Variants in ZNF606 observed in about 807,000 individuals in gnomAD.
ZNF606 encodes zinc finger protein 328.
In ZNF606, 37 loss-of-function variants were observed where a neutral mutation model predicts 74.9. That is an observed-to-expected ratio of 0.49 (90% CI 0.38 to 0.65). ZNF606 has a LOEUF of 0.65. Ranked by LOEUF, ZNF606 falls within the 30% of genes least tolerant of loss-of-function variation. The probability of loss-of-function intolerance (pLI) is 0.00; values close to 1 mark genes in which losing one functional copy is unlikely to be tolerated. For synonymous variants in ZNF606, 328 were observed against 312.4 expected (o/e 1.05, Z -0.53); for missense variants, 852 against 952.9 (o/e 0.89, Z 1.39).
Position 58,002,388 on chromosome 19 carries a change from G to A in ZNF606, c.-52+8C>T, listed in dbSNP as rs1420384256. 8.8e-6 allele frequency: 4 copies of A among 456,588 alleles called. No individual in the cohort carries two copies. Among genetic ancestry groups the A allele is most frequent in the Admixed American group, 4.7e-5 (2 of 42,564 alleles). The allele number at this position is 456,588 out of a possible 1,614,324, so 28.3% of individuals were successfully genotyped here. ...CCGCGACGCTGCAAAAGCTCGTCCC[G>A]GCCTCACCTGGCTCGCGGCCGGCGG... On this transcript the variant is annotated splice_region_variant and intron_variant, in intron 1 of 6. Coordinates refer to ENST00000551380, the MANE Select transcript of ZNF606 (RefSeq NM_001348022.3).
chr19:57,980,163 T>C lies in ZNF606; in HGVS notation c.517A>G (p.Arg173Gly), dbSNP rs2073061952. 6.2e-7 allele frequency: 1 copy of C among 1,614,178 alleles called. No individual in the cohort carries two copies. The highest frequency in any genetic ancestry group is 1.3e-5 in the African/African-American group (1 of 75,066). Residue 173 changes from arginine (R) to glycine (G), a missense_variant, in exon 7 of 7, where the codon AGG becomes GGG. By Grantham distance (125) the Arg-to-Gly change is moderately radical. This residue lies in a region of ZNF606 where 545 missense variants were observed against 542.5 expected (regional missense o/e 1.00). Transcript: ENST00000551380. ...TCTTTACATCCCAAAACTTCTAACCTGGAGAACCAAGGATCATCCCATATA... is the reference window on the plus strand; with the variant it reads ...TCTTTACATCCCAAAACTTCTAACCCGGAGAACCAAGGATCATCCCATATA... Reference protein sequence around the residue: ...RYIWDDPWFSRLEVLGCKDQL... With the variant: ...RYIWDDPWFSGLEVLGCKDQL...
rs541290158 is a variant in ZNF606 at position 58,002,437 on chromosome 19, G to C, written c.-93C>G. ...GGTCCCCCTTGAAGGCGGCGCAGCA[G>C]GATCGGGGTCTGCCCGCCTGGGGCG... On this transcript the variant is annotated 5_prime_UTR_variant, in exon 1 of 7. Coordinates refer to ENST00000551380, the MANE Select transcript of ZNF606 (RefSeq NM_001348022.3). 156 of 455,784 alleles carry C rather than the reference G, an allele frequency of 3.4e-4. No homozygotes were observed. In the East Asian group the frequency reaches 7.5e-3, roughly 22 times the overall value. 28.2% of individuals were successfully genotyped at this position (455,784 alleles called of 1,614,324 possible). A position where few individuals can be genotyped will look rare whatever the true frequency, so the allele number is the denominator to read the frequency against.
At position 58,002,696 on chromosome 19, in the gene ZNF606, C is replaced by T. The variant is rs1292550305; in HGVS notation, c.-352G>A. 1 of 454,122 alleles carries T rather than the reference C, an allele frequency of 2.2e-6. No individual in the cohort carries two copies. The highest frequency in any genetic ancestry group is 4.4e-6 in the Non-Finnish European group (1 of 226,062). 28.1% of individuals were successfully genotyped at this position (454,122 alleles called of 1,614,324 possible). A position where few individuals can be genotyped will look rare whatever the true frequency, so the allele number is the denominator to read the frequency against. ...GGAAAGGGCAGGCGCAGGACCCACC[C>T]TGACGCCGCCTCTCCCAGCCGGCTC... On this transcript the variant is annotated 5_prime_UTR_variant, in exon 1 of 7. Transcript: ENST00000551380.
rs1454937443 is a variant in ZNF606, at chr19:57,979,979, A to G, written c.701T>C (p.Ile234Thr). 7 of 1,613,912 alleles carry G rather than the reference A, an allele frequency of 4.3e-6. No individual in the cohort carries two copies. In the Admixed American group the frequency reaches 1.0e-4, roughly 23 times the overall value. ...NFVPSQRVSQ[I>T]EHFYKPDTHA... Reference sequence around the variant, plus strand: ...TGTATCAGGCTTATAGAAATGTTCTATCTGAGAAACTCTCTGAGATGGAAC... The same window carrying G: ...TGTATCAGGCTTATAGAAATGTTCTGTCTGAGAAACTCTCTGAGATGGAAC... Residue 234 changes from isoleucine (I) to threonine (T), a missense_variant, in exon 7 of 7, where the codon ATA (isoleucine) becomes ACA (threonine). By Grantham distance (89) the Ile-to-Thr change is moderately conservative. Coordinates refer to ENST00000551380, the MANE Select transcript of ZNF606 (RefSeq NM_001348022.3).
At chr19:58,002,825 C>G (rs1255156657), upstream of ZNF606, 1 of 448,294 alleles carries the variant, frequency 2.2e-6, no homozygotes, top group Admixed American at 2.4e-5. Flanking sequence ...TCGACCGGAG[C>G]GCGCCGCGGG....
intron 6 of ZNF606, among the ~76,000 whole-genome samples, chr19:57,980,769 A>G (rs988373670): frequency 2.7e-5 from 4 of 149,420 alleles, no homozygotes; most frequent in Non-Finnish European, 4.4e-5. Flanking sequence ...CGGGAGGCAG[A>G]GCTTGCAGTG....
rs1302963032 is a variant in ZNF606 at position 57,978,247 on chromosome 19, G to A, written c.*54C>T. 3 of 1,492,886 alleles carry A rather than the reference G, an allele frequency of 2.0e-6. No individual in the cohort carries two copies. The East Asian group carries it at 6.9e-5, about 34-fold the overall frequency. The allele number at this position is 1,492,886 out of a possible 1,614,324, so 92.5% of individuals were successfully genotyped here. On this transcript the variant is annotated 3_prime_UTR_variant, in exon 7 of 7. Coordinates refer to ENST00000551380, the MANE Select transcript of ZNF606 (RefSeq NM_001348022.3). The surrounding 1 kb of genome is among the most constrained non-coding windows in gnomAD (Gnocchi z 4.4). ...ATGTCCCCTCTTGATTATGTTTATA[G>A]GGTTTTCCTCAATGTGTTGTCAAAT...
Position 58,002,425 on chromosome 19 carries a change from G to A in ZNF606, c.-81C>T, listed in dbSNP as rs1458722290. On this transcript the variant is annotated 5_prime_UTR_variant, in exon 1 of 7. Coordinates refer to ENST00000551380, the MANE Select transcript of ZNF606 (RefSeq NM_001348022.3). ...CTCGCGGCCGGCGGTCCCCCTTGAA[G>A]GCGGCGCAGCAGGATCGGGGTCTGC... 2.2e-6 allele frequency: 1 copy of A among 456,140 alleles called. No individual in the cohort carries two copies. Among genetic ancestry groups the A allele is most frequent in the East Asian group, 7.0e-5 (1 of 14,360 alleles). The allele number at this position is 456,140 out of a possible 1,614,324, so 28.3% of individuals were successfully genotyped here.
In ZNF606 at chr19:57,988,645, G is replaced by A; in HGVS notation, c.254C>T (p.Thr85Ile). ...CTCCAGCATCACATCACGGTACAGG[G>A]TCCTCTGAACAAGGTCCAGCTGCCC... is the stretch of plus-strand genomic sequence containing the variant. ...EWGQLDLVQR[T>I]LYRDVMLETY... The change falls in exon 5 of 7, where the codon ACC (threonine) becomes ATC (isoleucine). Residue 85 changes from threonine to isoleucine, a missense_variant. Physicochemically the swap from Thr to Ile is moderately conservative, Grantham distance 89. Transcript: ENST00000551380. 6.2e-7 allele frequency: 1 copy of A among 1,614,100 alleles called. No homozygotes were observed.
In ZNF606 at chr19:58,002,584, C is replaced by G. The variant is rs1309228861; in HGVS notation, c.-240G>C. ...CAGAGTTCACCCAGGCCCGTCCGAC[C>G]AGAAAACGAAGAACGCCCGGAGGCG... On this transcript the variant is annotated 5_prime_UTR_variant, in exon 1 of 7. Transcript: ENST00000551380. The G allele has an allele frequency of 2.3e-6, 1 of 439,476 alleles. No individual in the cohort carries two copies. The highest frequency in any genetic ancestry group is 2.0e-5 in the African/African-American group (1 of 49,134). The allele number at this position is 439,476 out of a possible 1,614,324, so 27.2% of individuals were successfully genotyped here. A position where few individuals can be genotyped will look rare whatever the true frequency, so the allele number is the denominator to read the frequency against.
In ZNF606 at chr19:57,978,370, T is replaced by C; in HGVS notation, c.2310A>G (p.Gly770=). 6.2e-7 allele frequency: 1 copy of C among 1,609,598 alleles called. No homozygotes were observed. The highest frequency in any genetic ancestry group is 8.5e-7 in the Non-Finnish European group (1 of 1,176,234). Residue 770 remains glycine, a synonymous_variant, in exon 7 of 7, where the codon GGA becomes GGG. Coordinates refer to ENST00000551380, the MANE Select transcript of ZNF606 (RefSeq NM_001348022.3). This position sits in a 1 kb window ranked among gnomAD's most constrained non-coding sequence, Gnocchi z 4.4. ...GGGCTGAGTGACCACTAAAGGCTTTTCCACATTCACTGCATATAAAGCGTT... is the reference window on the plus strand; with the variant it reads ...GGGCTGAGTGACCACTAAAGGCTTTCCCACATTCACTGCATATAAAGCGTT... ...GEKRFICSEC[G]KAFSGHSALL...
intron 1 of ZNF606, among the ~76,000 whole-genome samples, 181 bp from the exon 2 acceptor site, chr19:58,001,551 A>G (rs543823725): frequency 6.6e-6 from 1 of 152,252 alleles, no homozygotes; most frequent in Non-Finnish European, 1.5e-5. Flanking sequence ...GGTAATTTGC[A>G]TAAGCTGGAA....
Position 58,002,732 on chromosome 19 carries a change from C to CA in ZNF606, c.-389_-388insT, listed in dbSNP as rs766703145. ...TCTCCCAGCCGGCTCTCCTGACCCC[C>CA]CAAGCCCCGCAGCTACGGCGGCCCC... is the stretch of plus-strand genomic sequence containing the variant. On this transcript the variant is annotated 5_prime_UTR_variant, in exon 1 of 7. Coordinates refer to ENST00000551380, the MANE Select transcript of ZNF606 (RefSeq NM_001348022.3). The CA allele has an allele frequency of 3.9e-3, 1,784 of 454,112 alleles. 10 individuals carry two copies. Among genetic ancestry groups the CA allele is most frequent in the Admixed American group, 7.4e-3 (315 of 42,464 alleles). 28.1% of individuals were successfully genotyped at this position (454,112 alleles called of 1,614,324 possible).
At chr19:57,991,361 G>GCTGGCCACAAC (rs1196884718) in intron 4 of ZNF606, among the ~76,000 whole-genome samples, 2 of 152,118 alleles carry the variant, frequency 1.3e-5, no homozygotes, top group Non-Finnish European at 2.9e-5. Context: ...ATTTGGAAGT[G>GCTGGCCACAAC]CTGGCCACAA....
chr19:57,980,309 G>C, intron 6 of ZNF606, 30 bp from the exon 7 acceptor site: 1 of 1,564,322 alleles, frequency 6.4e-7, no homozygotes, highest in South Asian at 1.2e-5. Context: ...AGCTATGAGA[G>C]CATAGAGAAA....
chr19:57,980,035 A>T lies in ZNF606; in HGVS notation c.645T>A (p.Leu215=), dbSNP rs749721714. ...LSQRSSEFCG[L]GAEFSQNLNF... ...TTAAGTTCTGGCTAAACTCTGCCCC[A>T]AGTCCACAGAATTCAGAGCTTCTCT... Residue 215 remains leucine (L), a synonymous_variant, in exon 7 of 7, where the codon CTT becomes CTA. Transcript: ENST00000551380. 1.9e-6 allele frequency: 3 copies of T among 1,613,632 alleles called. No individual in the cohort carries two copies. The highest frequency in any genetic ancestry group is 2.5e-6 in the Non-Finnish European group (3 of 1,180,030).
chr19:57,989,008 C>T (rs1246230466), intron 4 of ZNF606, among the ~76,000 whole-genome samples: 1 of 152,170 alleles, frequency 6.6e-6, no homozygotes, highest in Non-Finnish European at 1.5e-5. Context: ...TGGCTATGTC[C>T]CCCACCTTGG....
intron 6 of ZNF606, among the ~76,000 whole-genome samples, chr19:57,984,494 T>G (rs749153156): frequency 6.6e-6 from 1 of 152,192 alleles, no homozygotes; most frequent in African/African-American, 2.4e-5. Context: ...TTAGAGTGGG[T>G]GGAAGATAAT....
intron 3 of ZNF606, chr19:58,000,112 C>T (rs1164772419): frequency 7.2e-6 from 4 of 553,494 alleles, no homozygotes. Flanking sequence ...CTATTGGGTA[C>T]CATCTCTGAG....
Sources: gnomAD v4.1 joint callset for allele counts (sites outside exome capture counted in the v4.1 genomes callset) on GRCh38, gnomAD v4.1.1 for gene constraint, gnomAD v4.1.1 regional missense constraint, Gnocchi (gnomAD v3.1) non-coding constraint, MANE v1.5 for transcripts, NCBI Gene and HGNC (gene_info 2026-07-23, HGNC 2026-07-21) for gene names.